The following HMCN1 variants were observed in gnomAD, a reference collection of about 807,000 sequenced individuals.
HMCN1 encodes the protein hemicentin 1.
In HMCN1, 321 loss-of-function variants were observed where a neutral mutation model predicts 625.9. The ratio of observed to expected loss-of-function variants is 0.51; its 90% CI spans 0.47 to 0.56. The LOEUF (loss-of-function observed/expected upper bound fraction) is 0.56, where lower values mean the gene tolerates loss of function less well. HMCN1 is among the 20% of genes least tolerant of loss of function. The pLI is 0.00. For missense variants in HMCN1, 6,588 were observed against 6,887.3 expected, an observed-to-expected ratio of 0.96 and a Z score of 1.54; for synonymous variants, 2,425 against 2,417.6, an observed-to-expected ratio of 1.00 and a Z score of -0.09.
intron 1 of HMCN1, among the ~76,000 whole-genome samples, chr1:185,825,605 CTGTT>C (rs776634803): frequency 2.0e-5 from 3 of 152,100 alleles, no homozygotes; most frequent in African/African-American, 4.8e-5. Context: ...GAATTCTTGT[CTGTT>C]TGTCATTATA....
At chr1:185,933,914 GA>G in intron 11 of HMCN1, 90 bp downstream of exon 11, 1 of 1,085,410 alleles carries the variant, frequency 9.2e-7, no homozygotes, top group Admixed American at 1.7e-5. Context: ...ATCTGAGAGT[GA>G]GAGTATCTAC....
intron 11 of HMCN1, among the ~76,000 whole-genome samples, chr1:185,937,272 A>G (rs2102503083): frequency 6.6e-6 from 1 of 152,322 alleles, no homozygotes; most frequent in African/African-American, 2.4e-5. Context: ...TATAATGAAC[A>G]GAAATTTATT....
At chr1:185,816,675 C>G (rs956262807) in intron 1 of HMCN1, among the ~76,000 whole-genome samples, 7 of 152,142 alleles carry the variant, frequency 4.6e-5, no homozygotes, top group African/African-American at 1.7e-4. Context: ...AGAACTAATG[C>G]CCCAATGTGG....
intron 1 of HMCN1, among the ~76,000 whole-genome samples, chr1:185,806,762 G>A (rs763056891): frequency 2.2e-4 from 34 of 151,900 alleles, no homozygotes; most frequent in Non-Finnish European, 4.6e-4. Context: ...CCACTACAAA[G>A]TTTTGTATTG....
intron 2 of HMCN1, among the ~76,000 whole-genome samples, chr1:185,856,948 C>G (rs933255821): frequency 2.0e-5 from 3 of 152,244 alleles, no homozygotes; most frequent in Admixed American, 6.5e-5. Flanking sequence ...ACAGGGACTT[C>G]ATTTTTTTTC....
chr1:185,858,460 C>G (rs1400944319), intron 2 of HMCN1, among the ~76,000 whole-genome samples: 1 of 151,572 alleles, frequency 6.6e-6, no homozygotes, highest in African/African-American at 2.4e-5. Flanking sequence ...CGGAGTCTTA[C>G]TCTGTAGCCC....
At chr1:185,963,578 T>C (rs1283015742) in intron 12 of HMCN1, among the ~76,000 whole-genome samples, 190 bp from the exon 13 acceptor site, 1 of 152,076 alleles carries the variant, frequency 6.6e-6, no homozygotes, top group Admixed American at 6.6e-5. Context: ...GTAGTCAATA[T>C]TGGATACATG....
At chr1:186,006,722 G>T in intron 29 of HMCN1, among the ~76,000 whole-genome samples, 1 of 150,602 alleles carries the variant, frequency 6.6e-6, no homozygotes, top group Non-Finnish European at 1.5e-5. Flanking sequence ...ATATTATTTG[G>T]TCCAAAATCT....
intron 4 of HMCN1, among the ~76,000 whole-genome samples, chr1:185,898,289 G>A (rs573629192): frequency 3.9e-5 from 6 of 152,198 alleles, no homozygotes; most frequent in African/African-American, 1.4e-4. Context: ...ATTCACTAAG[G>A]TTAGTCACTT....
At chr1:185,998,073 A>C (rs1652930254) in intron 25 of HMCN1, among the ~76,000 whole-genome samples, 1 of 152,094 alleles carries the variant, frequency 6.6e-6, no homozygotes, top group African/African-American at 2.4e-5. Context: ...TTCTGCCAGG[A>C]GATTGATATT....
rs571301275 is a variant in HMCN1, at chr1:186,040,895, A to C, written c.6181-118A>C. 8.0e-5 allele frequency: 87 copies of C among 1,084,286 alleles called. No individual in the cohort carries two copies. In the African/African-American group the frequency reaches 1.1e-3, roughly 13 times the overall value. The allele number at this position is 1,084,286 out of a possible 1,614,324, so 67.2% of individuals were successfully genotyped here. ...TTGCCTACTTAAAAATGTCCAAGGG[A>C]AAATCTTCCTAAAAGGCAAATGTCA... is the stretch of plus-strand genomic sequence containing the variant. On this transcript the variant is annotated intron_variant, in intron 39 of 106. Transcript: ENST00000271588.
At chr1:186,087,765 T>A in intron 60 of HMCN1, 120 bp downstream of exon 60, 1 of 1,194,324 alleles carries the variant, frequency 8.4e-7, no homozygotes, top group Admixed American at 1.7e-5. Flanking sequence ...AAAAAATACA[T>A]AGCCAATGCC....
intron 4 of HMCN1, among the ~76,000 whole-genome samples, chr1:185,893,560 G>A (rs1665284622): frequency 6.6e-6 from 1 of 152,030 alleles, no homozygotes; most frequent in Non-Finnish European, 1.5e-5. Context: ...CCGAGTGTGT[G>A]GTATATTGCC....
rs1480140095 is a variant in HMCN1 at position 186,136,909 on chromosome 1, C to T, written c.13554C>T (p.Val4518=). Residue 4518 remains valine, a synonymous_variant, in exon 87 of 107, where the codon GTC becomes GTT. Transcript: ENST00000271588. ...ECVARNLMGS[V]LVRVPVIVQV... is the part of the protein sequence containing the mutation. ...TTGCTCGAAACTTAATGGGTTCTGT[C>T]CTTGTCAGAGTGCCAGTCATAGTCC... The T allele has an allele frequency of 2.5e-6, 4 of 1,613,712 alleles. No homozygotes were observed. Among genetic ancestry groups the T allele is most frequent in the South Asian group, 1.1e-5 (1 of 91,078 alleles).
At chr1:185,887,976 C>T (rs867930932) in intron 4 of HMCN1, among the ~76,000 whole-genome samples, 10,493 of 140,150 alleles carry the variant, frequency 0.075, 1,425 homozygotes, top group African/African-American at 0.27. Flanking sequence ...CCTGTTGTTT[C>T]CTGACTTTTT....
intron 40 of HMCN1, among the ~76,000 whole-genome samples, chr1:186,043,286 ACT>A (rs1447179160): frequency 2.0e-5 from 3 of 152,078 alleles, no homozygotes; most frequent in Non-Finnish European, 4.4e-5. Context: ...AAAGGGTAGA[ACT>A]CTTGTTCTCT....
rs772668076 is a variant in HMCN1, at chr1:186,130,597, C to G, written c.13130C>G (p.Pro4377Arg). The G allele has an allele frequency of 1.2e-6, 2 of 1,613,404 alleles. No individual in the cohort carries two copies. Among genetic ancestry groups the G allele is most frequent in the Non-Finnish European group, 1.7e-6 (2 of 1,179,612 alleles). ...CTGAATTGTGAGGTGAAAGGAGACC[C>G]CACCCCAACCATCCAGTGGAACAGA... The part of the protein sequence containing the change: ...AILNCEVKGD[P>R]TPTIQWNRKG... Residue 4377 changes from proline (P) to arginine (R), a missense_variant, in exon 85 of 107, where the codon CCC (proline) becomes CGC (arginine). Transcript: ENST00000271588.
intron 4 of HMCN1, among the ~76,000 whole-genome samples, chr1:185,898,545 A>G (rs993822015): frequency 6.6e-6 from 1 of 152,134 alleles, no homozygotes; most frequent in Non-Finnish European, 1.5e-5. Context: ...CCTAGCTCAT[A>G]GGTGTCTTGG....
intron 36 of HMCN1, among the ~76,000 whole-genome samples, chr1:186,026,755 C>G (rs1380383496): frequency 6.6e-6 from 1 of 152,022 alleles, no homozygotes; most frequent in African/African-American, 2.4e-5. Context: ...CCACCTCAGC[C>G]TCCCTAGTAG....
Sources: allele counts gnomAD v4.1 joint callset (sites outside exome capture counted in the v4.1 genomes callset), GRCh38; gene constraint gnomAD v4.1.1; transcripts MANE v1.5; gene names NCBI Gene and HGNC (gene_info 2026-07-23, HGNC 2026-07-21).